Variants in AJAP1 observed in about 807,000 individuals in gnomAD.
The protein encoded by AJAP1 is adherens junctions associated protein 1, also known as adherens junction-associated protein 1.
A neutral mutation model predicts 35.0 loss-of-function variants in AJAP1; 5 were observed. The ratio of observed to expected loss-of-function variants is 0.14; its 90% CI spans 0.07 to 0.30. The LOEUF (loss-of-function observed/expected upper bound fraction) is 0.30. Ranked by LOEUF, AJAP1 falls within the 10% of genes least tolerant of loss-of-function variation. The pLI, the probability that AJAP1 is intolerant of heterozygous loss-of-function variation, is 1.00. For synonymous variants in AJAP1, 284 were observed against 249.3 expected (o/e 1.14, Z -1.31); for missense variants, 586 against 571.0 (o/e 1.03, Z -0.27).
chr1:4,712,954 T>C (rs1002946179), intron 2 of AJAP1, among the ~76,000 whole-genome samples: 1 of 152,216 alleles, frequency 6.6e-6, no homozygotes, highest in African/African-American at 2.4e-5. Flanking sequence ...CCCTTGTGCC[T>C]CTGTTAGGGA....
chr1:4,704,107 C>T (rs1261506742), intron 1 of AJAP1, among the ~76,000 whole-genome samples: 2 of 151,898 alleles, frequency 1.3e-5, no homozygotes, highest in East Asian at 1.9e-4. Context: ...TACCCCCTTA[C>T]ACTAGCCAGT....
chr1:4,775,589 A>G lies in AJAP1; in HGVS notation c.*59+1031A>G, dbSNP rs531838082. 3.1e-4 allele frequency among the ~76,000 whole-genome samples: 47 copies of G among 152,354 alleles called. 1 individual carries two copies. Among genetic ancestry groups the G allele is most frequent in the African/African-American group, 1.1e-3 (46 of 41,590 alleles). On this transcript the variant is annotated intron_variant, in intron 5 of 5. Coordinates refer to ENST00000378191, the MANE Select transcript of AJAP1 (RefSeq NM_018836.4). ...TGCACCTTGCTGGGGGCGGGGAACC[A>G]GCTGCAGTCAGAGAGGGGAGTGAAT...
intron 2 of AJAP1, among the ~76,000 whole-genome samples, chr1:4,737,932 A>ACCAAAT (rs1640967167): frequency 6.6e-6 from 1 of 151,936 alleles, no homozygotes; most frequent in Non-Finnish European, 1.5e-5. Context: ...CAAAACCAAA[A>ACCAAAT]CCAGCTGCCT....
chr1:4,766,321 C>T (rs572913180), intron 2 of AJAP1, among the ~76,000 whole-genome samples: 1 of 152,242 alleles, frequency 6.6e-6, no homozygotes, highest in South Asian at 2.1e-4. Flanking sequence ...GTTTGTCTAC[C>T]TGGGATCCAC....
chr1:4,718,994 C>T (rs1052100092), intron 2 of AJAP1, among the ~76,000 whole-genome samples: 1 of 152,302 alleles, frequency 6.6e-6, no homozygotes, highest in African/African-American at 2.4e-5. Context: ...GCACGAAACA[C>T]ACCCTTGTAG....
Position 4,700,668 on chromosome 1 carries a change from G to A in AJAP1, c.30-11232G>A, listed in dbSNP as rs140106277. Among the ~76,000 whole-genome samples the A allele has an allele frequency of 4.7e-3, 721 of 152,314 alleles. 5 individuals are homozygous for A. The highest frequency in any genetic ancestry group is 0.016 in the African/African-American group (676 of 41,566). On this transcript the variant is annotated intron_variant, in intron 1 of 5. Transcript: ENST00000378191. ...GCTTGGCGCTGGGATGGGGTAGCTC[G>A]TGCTGGGGGCCCAGTCTGGGAACTT... is the stretch of plus-strand genomic sequence containing the variant.
chr1:4,792,000 A>G lies in AJAP1; in HGVS notation c.*9515A>G, dbSNP rs2100389490. On this transcript the variant is annotated 3_prime_UTR_variant, in exon 6 of 6. Coordinates refer to ENST00000378191, the MANE Select transcript of AJAP1 (RefSeq NM_018836.4). ...TGGCCTCTTTTTTCACAGGTTTTGC[A>G]TTGAATGTTTTAGAACTTTATTCCC... is the stretch of plus-strand genomic sequence containing the variant. The G allele has an allele frequency of 6.6e-6, 1 of 152,316 alleles. No homozygotes were observed. The highest frequency in any genetic ancestry group is 2.1e-4 in the South Asian group (1 of 4,812). 9.4% of individuals were successfully genotyped at this position (152,316 alleles called of 1,614,324 possible). A position where few individuals can be genotyped will look rare whatever the true frequency, so the allele number is the denominator to read the frequency against.
chr1:4,758,487 G>T (rs924917806), intron 2 of AJAP1, among the ~76,000 whole-genome samples: 1 of 152,164 alleles, frequency 6.6e-6, no homozygotes, highest in Non-Finnish European at 1.5e-5. Flanking sequence ...TCACAAGGTG[G>T]CAGGAAGGAG....
At chr1:4,752,632 C>T (rs1641344418) in intron 2 of AJAP1, among the ~76,000 whole-genome samples, 1 of 152,182 alleles carries the variant, frequency 6.6e-6, no homozygotes, top group Non-Finnish European at 1.5e-5. Flanking sequence ...CTCCTTCCTT[C>T]CCTCACTTTG....
chr1:4,732,388 G>A (rs1640820383), intron 2 of AJAP1, among the ~76,000 whole-genome samples: 1 of 152,280 alleles, frequency 6.6e-6, no homozygotes, highest in Non-Finnish European at 1.5e-5. Context: ...ATGTGAAAGG[G>A]AAAGGGAGAA....
At chr1:4,698,170 G>A (rs1365521498) in intron 1 of AJAP1, among the ~76,000 whole-genome samples, 1 of 152,172 alleles carries the variant, frequency 6.6e-6, no homozygotes, top group African/African-American at 2.4e-5. Flanking sequence ...CCGTGCCAGC[G>A]TGTTTCCCCG....
intron 1 of AJAP1, among the ~76,000 whole-genome samples, chr1:4,667,308 T>C (rs1639151697): frequency 6.6e-6 from 1 of 152,122 alleles, no homozygotes; most frequent in Admixed American, 6.5e-5. Context: ...ACGACCCAAC[T>C]TTCCTTTCCT....
rs1557654417 is a variant in AJAP1 at position 4,784,076 on chromosome 1, G to A, written c.*1591G>A. On this transcript the variant is annotated 3_prime_UTR_variant, in exon 6 of 6. Transcript: ENST00000378191. ...CGATGGATGTTTCTGTTTTGTCACCGAGAATCCTACTATAAACTACCCAGT... is the reference window on the plus strand; with the variant it reads ...CGATGGATGTTTCTGTTTTGTCACCAAGAATCCTACTATAAACTACCCAGT... 6.6e-6 allele frequency: 1 copy of A among 152,142 alleles called. No individual in the cohort carries two copies. Among genetic ancestry groups the A allele is most frequent in the Non-Finnish European group, 1.5e-5 (1 of 68,026 alleles). The allele number at this position is 152,142 out of a possible 1,614,324, so 9.4% of individuals were successfully genotyped here.
intron 1 of AJAP1, among the ~76,000 whole-genome samples, chr1:4,704,239 G>A (rs1413236806): frequency 6.6e-6 from 1 of 150,430 alleles, no homozygotes; most frequent in Admixed American, 6.6e-5. Context: ...CATGTGCCAT[G>A]CTGGTGTGCT....
intron 2 of AJAP1, among the ~76,000 whole-genome samples, chr1:4,724,453 A>C (rs1469262554): frequency 1.3e-5 from 2 of 151,758 alleles, no homozygotes; most frequent in African/African-American, 4.8e-5. Flanking sequence ...ACCTCTGGGC[A>C]CCCCCTGGGT....
intron 2 of AJAP1, among the ~76,000 whole-genome samples, chr1:4,767,699 A>G (rs1197711989): frequency 5.3e-5 from 4 of 75,978 alleles, no homozygotes; most frequent in Non-Finnish European, 8.7e-5. Flanking sequence ...CATCACCATC[A>G]TTATCATTAC....
In AJAP1 at chr1:4,778,571, A is replaced by ATCTCTCTC. The variant is rs141390632; in HGVS notation, c.*60-3938_*60-3931dup. ...TCATTCAAGGTGCAGGATTGGCGCC[A>ATCTCTCTC]TCTCTCTCTCTCTCTCTCTCTCTCT... is the stretch of plus-strand genomic sequence containing the variant. On this transcript the variant is annotated intron_variant, in intron 5 of 5. Transcript: ENST00000378191. Among the ~76,000 whole-genome samples, 944 of 142,858 alleles carry ATCTCTCTC rather than the reference A, an allele frequency of 6.6e-3. 10 individuals are homozygous for ATCTCTCTC. The highest frequency in any genetic ancestry group is 0.015 in the Middle Eastern group (4 of 266). 93.7% of individuals were successfully genotyped at this position (142,858 alleles called of 152,430 possible). A position where few individuals can be genotyped will look rare whatever the true frequency, so the allele number is the denominator to read the frequency against.
Position 4,786,660 on chromosome 1 carries a change from T to G in AJAP1, c.*4175T>G, listed in dbSNP as rs1401801237. ...GACCCTGTTGCCCATGGAGAGGTATTTTACCCTTTTGCTTCTTTGCTCAGG... is the reference window on the plus strand; with the variant it reads ...GACCCTGTTGCCCATGGAGAGGTATGTTACCCTTTTGCTTCTTTGCTCAGG... On this transcript the variant is annotated 3_prime_UTR_variant, in exon 6 of 6. Transcript: ENST00000378191. 7 of 152,142 alleles carry G rather than the reference T, an allele frequency of 4.6e-5. No individual in the cohort carries two copies. Among genetic ancestry groups the G allele is most frequent in the African/African-American group, 1.7e-4 (7 of 41,418 alleles). 9.4% of individuals were successfully genotyped at this position (152,142 alleles called of 1,614,324 possible).
intron 1 of AJAP1, among the ~76,000 whole-genome samples, chr1:4,661,330 C>A (rs1638994478): frequency 6.6e-6 from 1 of 152,240 alleles, no homozygotes; most frequent in Non-Finnish European, 1.5e-5. Context: ...GCTAAGTGAT[C>A]TGATCCAACG....
Sources: gnomAD v4.1 joint callset for allele counts (sites outside exome capture counted in the v4.1 genomes callset) on GRCh38, gnomAD v4.1.1 for gene constraint, MANE v1.5 for transcripts, NCBI Gene and HGNC (gene_info 2026-07-23, HGNC 2026-07-21) for gene names.